The following GPR19 variants were observed in gnomAD, a reference collection of about 807,000 sequenced individuals.
GPR19 encodes the protein G protein-coupled receptor 19, also known as probable G protein-coupled receptor 19.
In GPR19, 14 loss-of-function variants were observed where a neutral mutation model predicts 28.5. The observed-to-expected ratio is 0.49, with a 90% confidence interval of 0.32 to 0.77. GPR19 has a LOEUF of 0.77. Ranked by LOEUF, GPR19 falls within the 30% of genes least tolerant of loss-of-function variation. The pLI, the probability that GPR19 is intolerant of heterozygous loss-of-function variation, is 0.03. For synonymous variants in GPR19, 173 were observed against 184.1 expected, an observed-to-expected ratio of 0.94 and a Z score of 0.49; for missense variants, 409 against 504.1, an observed-to-expected ratio of 0.81 and a Z score of 1.81.
In GPR19 at chr12:12,662,232, C is replaced by G. The variant is rs1945687474; in HGVS notation, c.217G>C (p.Gly73Arg). The change falls in exon 4 of 4, where the codon GGG becomes CGG. Residue 73 changes from glycine to arginine, a missense_variant. Coordinates refer to ENST00000651487, the MANE Select transcript of GPR19 (RefSeq NM_006143.3). ...GEVATASIFFGILWLFSIFGN... is the reference protein window; with the variant it reads ...GEVATASIFFRILWLFSIFGN... ...AAGATAGAAAACAACCACAGAATCCCAAAGAAGATGCTGGCTGTGGCCACT... is the reference window on the plus strand; with the variant it reads ...AAGATAGAAAACAACCACAGAATCCGAAAGAAGATGCTGGCTGTGGCCACT... 3.7e-6 allele frequency: 6 copies of G among 1,614,084 alleles called. No individual in the cohort carries two copies. Among genetic ancestry groups the G allele is most frequent in the Non-Finnish European group, 4.2e-6 (5 of 1,180,050 alleles).
chr12:12,716,361 A>G, the GPR19 span, among the ~76,000 whole-genome samples: 8 of 152,276 alleles, frequency 5.3e-5, no homozygotes, highest in African/African-American at 1.7e-4. Context: ...AAATCTGGTG[A>G]GAGAGAAGGG....
the GPR19 span, chr12:12,716,884 C>A: frequency 1.0e-6 from 1 of 984,672 alleles, no homozygotes; most frequent in Non-Finnish European, 1.2e-6. Flanking sequence ...GCCTCCCCCG[C>A]AGACCACGAG....
chr12:12,699,807 A>C (rs1415897529), upstream of GPR19, among the ~76,000 whole-genome samples: 3 of 152,196 alleles, frequency 2.0e-5, no homozygotes, highest in East Asian at 5.8e-4. Flanking sequence ...GGCTGACTTC[A>C]TTCCATTTAC....
At chr12:12,665,170 A>G (rs1201207440) in intron 3 of GPR19, among the ~76,000 whole-genome samples, 6 of 152,316 alleles carry the variant, frequency 3.9e-5, no homozygotes, top group East Asian at 3.9e-4. Context: ...GCCTGAATAA[A>G]ACAGGAGTCC....
rs751284656 is a variant in GPR19 at position 12,661,161 on chromosome 12, T to C, written c.*40A>G. 7.1e-7 allele frequency: 1 copy of C among 1,415,468 alleles called. No homozygotes were observed. The highest frequency in any genetic ancestry group is 1.4e-5 in the African/African-American group (1 of 69,706). 87.7% of individuals were successfully genotyped at this position (1,415,468 alleles called of 1,614,324 possible). A position where few individuals can be genotyped will look rare whatever the true frequency, so the allele number is the denominator to read the frequency against. On this transcript the variant is annotated 3_prime_UTR_variant, in exon 4 of 4. Transcript: ENST00000651487. The surrounding 1 kb of genome is among the most constrained non-coding windows in gnomAD (Gnocchi z 4.2). ...TAGCTTCTGTTTTTATAGTTAAAGC[T>C]TTTTAATCTCTGGTGCATAACAATT...
rs1945684548 is a variant in GPR19 at position 12,662,105 on chromosome 12, C to G, written c.344G>C (p.Ser115Thr). The G allele has an allele frequency of 6.2e-7, 1 of 1,614,202 alleles. No individual in the cohort carries two copies. The highest frequency in any genetic ancestry group is 1.3e-5 in the African/African-American group (1 of 75,066). Residue 115 changes from serine (S) to threonine (T), a missense_variant, in exon 4 of 4, where the codon AGC (serine) becomes ACC (threonine). By Grantham distance (58) the Ser-to-Thr change is moderately conservative (BLOSUM62 1). Transcript: ENST00000651487. ...VSMACADLLI[S>T]VASTPFVLLQ... is the part of the protein sequence containing the mutation. ...CAGGACGAAAGGCGTGCTGGCAACG[C>G]TGATGAGAAGGTCAGCACATGCCAT...
At chr12:12,715,777 GA>G in the GPR19 span, 1 of 152,234 alleles carries the variant, frequency 6.6e-6, no homozygotes, top group African/African-American at 2.4e-5. Context: ...CCCTGGACAG[GA>G]AACCTCTCTG....
upstream of GPR19, among the ~76,000 whole-genome samples, chr12:12,697,602 A>G (rs936585460): frequency 2.0e-5 from 3 of 152,224 alleles, no homozygotes; most frequent in African/African-American, 7.2e-5. Context: ...TTCAACTTGT[A>G]ACAAGAAATT....
chr12:12,672,172 G>A (rs1391560269), intron 3 of GPR19, among the ~76,000 whole-genome samples: 1 of 152,166 alleles, frequency 6.6e-6, no homozygotes, highest in East Asian at 1.9e-4. Context: ...CCACATGAAG[G>A]TTTAAGTTGA....
chr12:12,664,893 C>T (rs112701415), intron 3 of GPR19, among the ~76,000 whole-genome samples: 4,239 of 132,782 alleles, frequency 0.032, 233 homozygotes, highest in African/African-American at 0.12. Context: ...GCACTCCAGG[C>T]TGGGCGACGG....
intron 3 of GPR19, among the ~76,000 whole-genome samples, chr12:12,665,819 C>CAAAAAAAAAAAAAAA (rs528302150): frequency 1.6e-4 from 12 of 75,726 alleles, no homozygotes; most frequent in African/African-American, 2.4e-4. Flanking sequence ...GACTCCGTCT[C>CAAAAAAAAAAAAAAA]AAAAAAAAAA....
At chr12:12,662,540 G>A (rs1010394988) in intron 3 of GPR19, 70 bp from the exon 4 acceptor site, 2 of 1,141,580 alleles carry the variant, frequency 1.8e-6, no homozygotes, top group African/African-American at 3.1e-5. Context: ...TGATTACTCA[G>A]GCTAACGATC....
Position 12,662,091 on chromosome 12 carries a change from G to C in GPR19, c.358C>G (p.Pro120Ala). The change falls in exon 4 of 4, where the codon CCT (proline) becomes GCT (alanine). Residue 120 changes from proline (P) to alanine (A), a missense_variant. Physicochemically the swap from Pro to Ala is conservative, Grantham distance 27. Coordinates refer to ENST00000651487, the MANE Select transcript of GPR19 (RefSeq NM_006143.3). ...ADLLISVASTPFVLLQFTTGR... is the reference protein window; with the variant it reads ...ADLLISVASTAFVLLQFTTGR... ...GTGGTGAACTGGAGCAGGACGAAAG[G>C]CGTGCTGGCAACGCTGATGAGAAGG... 6.2e-7 allele frequency: 1 copy of C among 1,614,212 alleles called. No individual in the cohort carries two copies. The highest frequency in any genetic ancestry group is 8.5e-7 in the Non-Finnish European group (1 of 1,180,018).
Position 12,696,147 on chromosome 12 carries a change from C to A in GPR19, c.-315G>T, listed in dbSNP as rs1471820843. On this transcript the variant is annotated 5_prime_UTR_variant, in exon 1 of 4. Transcript: ENST00000651487. ...CCATCAGATCAACGCGACGGACACT[C>A]CCCAAGGGCCAAATCGGACCGCCTC... The A allele has an allele frequency of 2.0e-5, 3 of 152,252 alleles. No individual in the cohort carries two copies. The highest frequency in any genetic ancestry group is 3.9e-4 in the East Asian group (2 of 5,180). The allele number at this position is 152,252 out of a possible 1,614,324, so 9.4% of individuals were successfully genotyped here. A position where few individuals can be genotyped will look rare whatever the true frequency, so the allele number is the denominator to read the frequency against.
upstream of GPR19, among the ~76,000 whole-genome samples, chr12:12,697,153 TAAAAAAAA>T (rs386375639): frequency 1.8e-4 from 9 of 48,846 alleles, no homozygotes; most frequent in South Asian, 1.4e-3. Context: ...TGAAGCGAAG[TAAAAAAAA>T]AAAAAAAAAA....
At chr12:12,676,952 G>A (rs1945940201) in intron 3 of GPR19, among the ~76,000 whole-genome samples, 1 of 152,176 alleles carries the variant, frequency 6.6e-6, no homozygotes, top group Admixed American at 6.5e-5. Flanking sequence ...GCAAAGACTA[G>A]ACTTACTAAA....
chr12:12,674,153 A>G (rs927435525), intron 3 of GPR19, among the ~76,000 whole-genome samples: 25 of 141,218 alleles, frequency 1.8e-4, no homozygotes, highest in Non-Finnish European at 3.5e-4. Context: ...CGGAGGTTGC[A>G]GTGAGCCGAG....
At chr12:12,672,111 G>T (rs577800979) in intron 3 of GPR19, among the ~76,000 whole-genome samples, 1 of 152,256 alleles carries the variant, frequency 6.6e-6, no homozygotes, top group South Asian at 2.1e-4. Context: ...GATAACCACT[G>T]GTAGCTACCC....
At chr12:12,671,818 G>A (rs757971923) in intron 3 of GPR19, among the ~76,000 whole-genome samples, 1 of 152,126 alleles carries the variant, frequency 6.6e-6, no homozygotes, top group Non-Finnish European at 1.5e-5. Context: ...CCTTTAAAGT[G>A]AAGATCCCTA....
Sources: allele counts gnomAD v4.1 joint callset (sites outside exome capture counted in the v4.1 genomes callset), GRCh38; gene constraint gnomAD v4.1.1; non-coding constraint Gnocchi (gnomAD v3.1); transcripts MANE v1.5; gene names NCBI Gene and HGNC (gene_info 2026-07-23, HGNC 2026-07-21).